TNR: variants seen among roughly 807,000 people sequenced by gnomAD.
The protein encoded by TNR is tenascin R.
Under a neutral mutation model 150.4 loss-of-function variants are expected in TNR, and 45 were observed. The observed-to-expected ratio is 0.30, with a 90% CI of 0.24 to 0.38. TNR has a LOEUF of 0.38. TNR is among the 10% of genes least tolerant of loss of function. The pLI is 1.00. For missense variants in TNR, 1,544 were observed against 1,759.1 expected (o/e 0.88, Z 2.19); for synonymous variants, 687 against 678.4 (o/e 1.01, Z -0.20).
At chr1:175,529,450 T>C (rs957425718) in intron 1 of TNR, among the ~76,000 whole-genome samples, 1 of 152,206 alleles carries the variant, frequency 6.6e-6, no homozygotes, top group African/African-American at 2.4e-5. Flanking sequence ...GAGTGAATAC[T>C]CCAGTGCATC....
At chr1:175,499,493 T>C (rs1658638597) in intron 2 of TNR, among the ~76,000 whole-genome samples, 1 of 152,230 alleles carries the variant, frequency 6.6e-6, no homozygotes, top group South Asian at 2.1e-4. Context: ...GGGTATGTTT[T>C]GCATGTGCAG....
intron 1 of TNR, among the ~76,000 whole-genome samples, chr1:175,582,244 T>C (rs1363334107): frequency 6.6e-6 from 1 of 152,182 alleles, no homozygotes; most frequent in African/African-American, 2.4e-5. Flanking sequence ...AACCAAGACT[T>C]AGAGTATTGT....
intron 2 of TNR, among the ~76,000 whole-genome samples, chr1:175,460,925 A>T (rs1183418662): frequency 6.6e-6 from 1 of 152,182 alleles, no homozygotes; most frequent in African/African-American, 2.4e-5. Flanking sequence ...GCTCATATAT[A>T]TGTGTGCACA....
intron 2 of TNR, among the ~76,000 whole-genome samples, chr1:175,511,383 A>G (rs1659167452): frequency 6.6e-6 from 1 of 152,256 alleles, no homozygotes; most frequent in Admixed American, 6.5e-5. Context: ...TGGAAAATGT[A>G]GGAAAATACA....
chr1:175,461,352 C>G (rs145619568), intron 2 of TNR, among the ~76,000 whole-genome samples: 11 of 152,164 alleles, frequency 7.2e-5, no homozygotes, highest in South Asian at 4.1e-4. Context: ...TTGCTCCCAA[C>G]AAAATGTTTT....
At chr1:175,619,470 G>T (rs1663891459) in intron 1 of TNR, among the ~76,000 whole-genome samples, 1 of 152,154 alleles carries the variant, frequency 6.6e-6, no homozygotes, top group South Asian at 2.1e-4. Flanking sequence ...TAACCCACCT[G>T]ATGTATTGAG....
intron 1 of TNR, among the ~76,000 whole-genome samples, chr1:175,616,112 C>T (rs1184185224): frequency 2.0e-5 from 3 of 152,192 alleles, no homozygotes; most frequent in Non-Finnish European, 4.4e-5. Flanking sequence ...GTGCCAGGGG[C>T]CAAATAGGCT....
At chr1:175,708,008 A>ATGTGTCTGTTTG (rs1491554582) in intron 1 of TNR, among the ~76,000 whole-genome samples, 1 of 130,446 alleles carries the variant, frequency 7.7e-6, no homozygotes, top group African/African-American at 3.1e-5. Context: ...ACAAAGAGCC[A>ATGTGTCTGTTTG]TGTGTGTGTT....
chr1:175,480,219 G>A (rs140684308), intron 2 of TNR, among the ~76,000 whole-genome samples: 1 of 152,064 alleles, frequency 6.6e-6, no homozygotes, highest in East Asian at 1.9e-4. Context: ...CTGCAGGACA[G>A]CTGCATAAAG....
intron 1 of TNR, among the ~76,000 whole-genome samples, chr1:175,643,986 G>A (rs1014667644): frequency 6.6e-6 from 1 of 152,106 alleles, no homozygotes; most frequent in East Asian, 1.9e-4. Flanking sequence ...ACAGATGCAT[G>A]GTAAATTACT....
At chr1:175,473,081 CT>C (rs1339008607) in intron 2 of TNR, among the ~76,000 whole-genome samples, 1 of 152,132 alleles carries the variant, frequency 6.6e-6, no homozygotes, top group African/African-American at 2.4e-5. Flanking sequence ...AGGATTAGCC[CT>C]TAGCATTTAA....
At chr1:175,701,405 CAAACA>C (rs1442065262) in intron 1 of TNR, among the ~76,000 whole-genome samples, 1 of 151,276 alleles carries the variant, frequency 6.6e-6, no homozygotes, top group Non-Finnish European at 1.5e-5. Context: ...AACAAACAAA[CAAACA>C]AAAAACACCT....
At chr1:175,350,739 C>A (rs1052102607) in intron 18 of TNR, among the ~76,000 whole-genome samples, 6 of 152,124 alleles carry the variant, frequency 3.9e-5, no homozygotes, top group Non-Finnish European at 7.4e-5. Flanking sequence ...CTTTTCTTCT[C>A]TTTTTTAGTT....
At chr1:175,740,994 T>C (rs1667910960) in intron 1 of TNR, among the ~76,000 whole-genome samples, 2 of 152,214 alleles carry the variant, frequency 1.3e-5, no homozygotes, top group Admixed American at 1.3e-4. Context: ...CTCTTTGCAG[T>C]AAGCCCAGAG....
At chr1:175,420,496 A>G (rs2102061589) in intron 2 of TNR, among the ~76,000 whole-genome samples, 1 of 152,364 alleles carries the variant, frequency 6.6e-6, no homozygotes, top group East Asian at 1.9e-4. Flanking sequence ...CTAACCTAAC[A>G]GTGGACTTGG....
At position 175,350,656 on chromosome 1, in the gene TNR, T is replaced by C. The variant is rs111979535; in HGVS notation, c.3382+3735A>G. On this transcript the variant is annotated intron_variant, in intron 18 of 22. Transcript: ENST00000367674. ...AAGAATGAAATGGACTTATGTTATG[T>C]GGCAGAAACACAACAAGGGAAGACA... Among the ~76,000 whole-genome samples, 535 of 152,372 alleles carry C rather than the reference T, an allele frequency of 3.5e-3. 7 individuals carry two copies. Among genetic ancestry groups the C allele is most frequent in the African/African-American group, 0.012 (513 of 41,584 alleles).
intron 2 of TNR, among the ~76,000 whole-genome samples, chr1:175,527,641 A>G (rs916335886): frequency 6.6e-6 from 1 of 152,214 alleles, no homozygotes; most frequent in African/African-American, 2.4e-5. Context: ...AAGGAGCAAA[A>G]TATTCACTGT....
At chr1:175,325,533 A>G (rs989446820) in intron 21 of TNR, among the ~76,000 whole-genome samples, 1 of 152,244 alleles carries the variant, frequency 6.6e-6, no homozygotes, top group Non-Finnish European at 1.5e-5. Context: ...TACTCAAAGG[A>G]TTATCAGTCA....
intron 2 of TNR, among the ~76,000 whole-genome samples, chr1:175,409,669 T>TGC (rs1654122971): frequency 6.6e-6 from 1 of 152,188 alleles, no homozygotes; most frequent in African/African-American, 2.4e-5. Flanking sequence ...CACTTCTAGG[T>TGC]GCCTGGGATG....
Sources: allele counts gnomAD v4.1 joint callset (sites outside exome capture counted in the v4.1 genomes callset), GRCh38; gene constraint gnomAD v4.1.1; transcripts MANE v1.5; gene names NCBI Gene and HGNC (gene_info 2026-07-23, HGNC 2026-07-21).